The following TNR variants were observed in gnomAD, a reference collection of about 807,000 sequenced individuals.
TNR encodes tenascin R.
A neutral mutation model predicts 150.4 loss-of-function variants in TNR; 45 were observed. The observed-to-expected ratio is 0.30, with a 90% CI of 0.24 to 0.38. The LOEUF is 0.38. Ranked by LOEUF, TNR falls within the 10% of genes least tolerant of loss-of-function variation. The pLI, the probability that TNR is intolerant of heterozygous loss-of-function variation, is 1.00. For synonymous variants in TNR, 687 were observed against 678.4 expected (o/e 1.01, Z -0.20); for missense variants, 1,544 against 1,759.1 (o/e 0.88, Z 2.19).
chr1:175,467,377 A>T (rs1657080731), intron 2 of TNR, among the ~76,000 whole-genome samples: 1 of 152,254 alleles, frequency 6.6e-6, no homozygotes, highest in Non-Finnish European at 1.5e-5. Context: ...AACCAAGTTC[A>T]AACAACAGGT....
At position 175,491,496 on chromosome 1, in the gene TNR, G is replaced by C. The variant is rs575521656; in HGVS notation, c.-64+36773C>G. 1.2e-3 allele frequency among the ~76,000 whole-genome samples: 188 copies of C among 152,256 alleles called. 1 individual carries two copies. The highest frequency in any genetic ancestry group is 4.4e-3 in the African/African-American group (184 of 41,540). On this transcript the variant is annotated intron_variant, in intron 2 of 22. Coordinates refer to ENST00000367674, the MANE Select transcript of TNR (RefSeq NM_003285.3). ...CTTACAGGGAGAAAGGCTGAACTATGATGATTTAGTCATTTTTACAAATGA... is the reference window on the plus strand; with the variant it reads ...CTTACAGGGAGAAAGGCTGAACTATCATGATTTAGTCATTTTTACAAATGA...
At chr1:175,550,461 G>A (rs1166415671) in intron 1 of TNR, among the ~76,000 whole-genome samples, 1 of 152,118 alleles carries the variant, frequency 6.6e-6, no homozygotes. Context: ...AGTATTAAGT[G>A]AGGCCCCTAT....
intron 1 of TNR, among the ~76,000 whole-genome samples, chr1:175,680,119 C>G (rs1456111089): frequency 6.6e-6 from 1 of 152,168 alleles, no homozygotes. Context: ...CACTCCCCAG[C>G]CCCAGAGTTT....
chr1:175,737,868 C>G (rs1331850660), intron 1 of TNR, among the ~76,000 whole-genome samples: 1 of 152,154 alleles, frequency 6.6e-6, no homozygotes, highest in Non-Finnish European at 1.5e-5. Context: ...TCCCTGACCC[C>G]AGAACTCCTT....
At chr1:175,497,153 G>GA (rs1257374862) in intron 2 of TNR, among the ~76,000 whole-genome samples, 3 of 152,114 alleles carry the variant, frequency 2.0e-5, no homozygotes, top group East Asian at 3.9e-4. Context: ...TCCTTCAGGG[G>GA]AAAAAAATGG....
intron 1 of TNR, among the ~76,000 whole-genome samples, chr1:175,532,441 A>G (rs1002479510): frequency 6.6e-6 from 1 of 152,184 alleles, no homozygotes; most frequent in Non-Finnish European, 1.5e-5. Context: ...CTGTTATTTC[A>G]GACTCCTACT....
At chr1:175,539,654 C>G (rs1660424558) in intron 1 of TNR, among the ~76,000 whole-genome samples, 1 of 152,198 alleles carries the variant, frequency 6.6e-6, no homozygotes, top group African/African-American at 2.4e-5. Flanking sequence ...GAAGAAACCT[C>G]ATAGTTCCTT....
intron 2 of TNR, among the ~76,000 whole-genome samples, chr1:175,479,142 G>A (rs1657671510): frequency 3.3e-5 from 5 of 152,180 alleles, no homozygotes; most frequent in Admixed American, 3.3e-4. Context: ...TTCAAACCAT[G>A]GGAAATTTGT....
At chr1:175,699,968 G>A (rs1157677939) in intron 1 of TNR, among the ~76,000 whole-genome samples, 1 of 151,948 alleles carries the variant, frequency 6.6e-6, no homozygotes, top group African/African-American at 2.4e-5. Context: ...GGTCCTACAA[G>A]AAGCAGAAGG....
Position 175,557,128 on chromosome 1 carries a change from A to G in TNR, c.-164-28759T>C, listed in dbSNP as rs1424584285. On this transcript the variant is annotated intron_variant, in intron 1 of 22. Transcript: ENST00000367674. Reference sequence around the variant, plus strand: ...GCAAGAATCTGAGGCCTTCAGCCCAACAAGCCAGAAGGAAATGAATTCGCT... The same window carrying G: ...GCAAGAATCTGAGGCCTTCAGCCCAGCAAGCCAGAAGGAAATGAATTCGCT... Among the ~76,000 whole-genome samples, 3 of 152,180 alleles carry G rather than the reference A, an allele frequency of 2.0e-5. 1 individual carries two copies. Among genetic ancestry groups the G allele is most frequent in the African/African-American group, 7.2e-5 (3 of 41,440 alleles).
intron 2 of TNR, among the ~76,000 whole-genome samples, chr1:175,502,337 T>C (rs145963709): frequency 2.0e-5 from 3 of 152,162 alleles, no homozygotes; most frequent in Non-Finnish European, 2.9e-5. Context: ...TGAACCCCCA[T>C]GCAGGGAATA....
intron 1 of TNR, among the ~76,000 whole-genome samples, chr1:175,529,302 A>G (rs1410419295): frequency 6.6e-6 from 1 of 152,250 alleles, no homozygotes; most frequent in African/African-American, 2.4e-5. Context: ...AGAAGCAAGC[A>G]TTTGGCTGAG....
Position 175,438,401 on chromosome 1 carries a change from G to A in TNR, c.-63-31624C>T, listed in dbSNP as rs192861785. Among the ~76,000 whole-genome samples, 472 of 152,222 alleles carry A rather than the reference G, an allele frequency of 3.1e-3. 1 individual carries two copies. Among genetic ancestry groups the A allele is most frequent in the African/African-American group, 0.01 (433 of 41,524 alleles). ...TCTCAAAATAATAAGAGCTATCTAC[G>A]ACAAACCCACAGCCAATATCATACT... On this transcript the variant is annotated intron_variant, in intron 2 of 22. Transcript: ENST00000367674.
intron 2 of TNR, among the ~76,000 whole-genome samples, chr1:175,425,761 T>C (rs1023254311): frequency 6.6e-6 from 1 of 152,148 alleles, no homozygotes. Context: ...TTTTCAACAT[T>C]TCTATAGGCT....
chr1:175,662,329 C>T (rs897823269), intron 1 of TNR, among the ~76,000 whole-genome samples: 3 of 152,112 alleles, frequency 2.0e-5, no homozygotes, highest in Admixed American at 6.5e-5. Flanking sequence ...CTGATCCCAC[C>T]GTGAGTCCTG....
chr1:175,572,550 C>A (rs772574479), intron 1 of TNR, among the ~76,000 whole-genome samples: 6 of 151,938 alleles, frequency 3.9e-5, no homozygotes, highest in Non-Finnish European at 8.8e-5. Context: ...ATCAGTCAGT[C>A]AATCATAATG....
At chr1:175,443,177 T>G (rs1006736471) in intron 2 of TNR, among the ~76,000 whole-genome samples, 6 of 152,224 alleles carry the variant, frequency 3.9e-5, no homozygotes, top group Non-Finnish European at 8.8e-5. Flanking sequence ...AAAATGTCTT[T>G]ACTTTATGCC....
intron 1 of TNR, among the ~76,000 whole-genome samples, chr1:175,578,631 C>T (rs1002959279): frequency 3.9e-5 from 6 of 152,192 alleles, no homozygotes; most frequent in African/African-American, 1.4e-4. Context: ...GGGTTCACTG[C>T]CTCTGCCTAG....
rs113997106 is a variant in TNR, at chr1:175,364,776, T to C, written c.2587+234A>G. 5.2e-3 allele frequency among the ~76,000 whole-genome samples: 792 copies of C among 152,330 alleles called. 7 individuals are homozygous for C. The highest frequency in any genetic ancestry group is 0.017 in the African/African-American group (718 of 41,578). On this transcript the variant is annotated intron_variant, in intron 12 of 22. Transcript: ENST00000367674. ...GTCTTTTGGACAAATGCATTCAAGC[T>C]TTGACCTCCTCAAGACATTGACTTT...
Sources: gnomAD v4.1 joint callset for allele counts (sites outside exome capture counted in the v4.1 genomes callset) on GRCh38, gnomAD v4.1.1 for gene constraint, MANE v1.5 for transcripts, NCBI Gene and HGNC (gene_info 2026-07-23, HGNC 2026-07-21) for gene names.